The following SNAPC2 variants were observed in gnomAD, a reference collection of about 807,000 sequenced individuals.
SNAPC2 encodes small nuclear RNA activating complex polypeptide 2.
A neutral mutation model predicts 22.9 loss-of-function variants in SNAPC2; 27 were observed. The observed-to-expected ratio is 1.18, with a 90% CI of 0.87 to 1.63. SNAPC2 has a LOEUF of 1.63. SNAPC2 is among the 40% of genes most tolerant of loss of function. The pLI is 0.00. For missense variants in SNAPC2, 570 were observed against 449.1 expected (o/e 1.27, Z -2.43); for synonymous variants, 272 against 201.0 (o/e 1.35, Z -2.99).
intron 1 of SNAPC2, 122 bp from the exon 2 acceptor site, chr19:7,921,301 G>C: frequency 1.3e-6 from 2 of 1,524,524 alleles, no homozygotes; most frequent in Non-Finnish European, 1.8e-6. Context: ...TCCTAACACC[G>C]GGCCAGCAGG....
In SNAPC2 at chr19:7,922,129, C is replaced by T. The variant is rs761765057; in HGVS notation, c.467C>T (p.Ala156Val). The T allele has an allele frequency of 6.2e-6, 10 of 1,613,894 alleles. No individual in the cohort carries two copies. The East Asian group carries it at 1.3e-4, about 22-fold the overall frequency. ...QARGKPLLLS[A>V]PGGQEDPAPE... ...CGTGGAAAGCCTTTGCTCCTGAGCG[C>T]CCCTGGAGGACAGGAAGACCCCGCC... The change falls in exon 4 of 5, where the codon GCC becomes GTC. Residue 156 changes from alanine to valine, a missense_variant. Physicochemically the swap from Ala to Val is moderately conservative, Grantham distance 64 (BLOSUM62 0). Coordinates refer to ENST00000221573, the MANE Select transcript of SNAPC2 (RefSeq NM_003083.4).
chr19:7,920,644 G>A (rs1200855105), intron 1 of SNAPC2, 95 bp downstream of exon 1: 12 of 708,412 alleles, frequency 1.7e-5, no homozygotes, highest in Non-Finnish European at 2.5e-5. Context: ...AGCGGGGCGG[G>A]GCCAGGAATG....
chr19:7,920,648 A>C (rs911897365), intron 1 of SNAPC2, 99 bp downstream of exon 1: 2 of 447,590 alleles, frequency 4.5e-6, no homozygotes, highest in African/African-American at 5.4e-5. Context: ...GGGCGGGGCC[A>C]GGAATGTAAG....
Position 7,922,238 on chromosome 19 carries a change from G to A in SNAPC2, c.576G>A (p.Ser192=), listed in dbSNP as rs185154761. 9 of 1,613,960 alleles carry A rather than the reference G, an allele frequency of 5.6e-6. No individual in the cohort carries two copies. Among genetic ancestry groups the A allele is most frequent in the East Asian group, 2.2e-5 (1 of 44,888 alleles). The change falls in exon 4 of 5, where the codon TCG becomes TCA. Residue 192 remains serine (S), a synonymous_variant. Transcript: ENST00000221573. ...PDPAPEKPSE[S]SAGPSTEEDF... ...CTGCCCCTGAGAAACCTTCTGAGTC[G>A]TCGGCTGGTCCCTCCACTGAAGAAG... is the stretch of plus-strand genomic sequence containing the variant.
intron 3 of SNAPC2, 52 bp from the exon 4 acceptor site, chr19:7,921,983 C>G: frequency 6.5e-7 from 1 of 1,550,050 alleles, no homozygotes. Flanking sequence ...AATGTGTAGA[C>G]GGTGAGAAGA....
chr19:7,920,586 G>T, intron 1 of SNAPC2, 37 bp downstream of exon 1: 1 of 1,157,696 alleles, frequency 8.6e-7, no homozygotes, highest in South Asian at 1.8e-5. Context: ...CCAGGCTGGA[G>T]GCGGGGCTGG....
Position 7,922,209 on chromosome 19 carries a change from G to T in SNAPC2, c.547G>T (p.Asp183Tyr). ...AAPSSAPRTPDPAPEKPSESS... is the reference protein window; with the variant it reads ...AAPSSAPRTPYPAPEKPSESS... ...ACCTAGCTCCGCACCCAGGACTCCT[G>T]ACCCTGCCCCTGAGAAACCTTCTGA... Residue 183 changes from aspartate to tyrosine, a missense_variant, in exon 4 of 5, where the codon GAC (aspartate) becomes TAC (tyrosine). Asp to Tyr is a radical substitution (Grantham distance 160, BLOSUM62 -3). Coordinates refer to ENST00000221573, the MANE Select transcript of SNAPC2 (RefSeq NM_003083.4). 6.2e-7 allele frequency: 1 copy of T among 1,614,120 alleles called. No individual in the cohort carries two copies. Among genetic ancestry groups the T allele is most frequent in the Non-Finnish European group, 8.5e-7 (1 of 1,180,016 alleles).
Position 7,922,304 on chromosome 19 carries a change from C to T in SNAPC2, c.642C>T (p.Ser214=). 4 of 1,613,880 alleles carry T rather than the reference C, an allele frequency of 2.5e-6. No homozygotes were observed. Among genetic ancestry groups the T allele is most frequent in the Non-Finnish European group, 3.4e-6 (4 of 1,179,978 alleles). ...VDFEKIYKYL[S]SVSRSGRSPE... ...TTGAGAAGATCTACAAGTACTTGTC[C>T]TCTGTCTCCCGAAGTGGCCGCAGCC... The change falls in exon 4 of 5, where the codon TCC becomes TCT. Residue 214 remains serine, a synonymous_variant. Coordinates refer to ENST00000221573, the MANE Select transcript of SNAPC2 (RefSeq NM_003083.4).
chr19:7,922,218 C>G lies in SNAPC2; in HGVS notation c.556C>G (p.Pro186Ala). The G allele has an allele frequency of 6.2e-7, 1 of 1,614,160 alleles. No homozygotes were observed. Among genetic ancestry groups the G allele is most frequent in the Admixed American group, 1.7e-5 (1 of 60,022 alleles). ...SSAPRTPDPA[P>A]EKPSESSAGP... is the part of the protein sequence containing the mutation. ...CGCACCCAGGACTCCTGACCCTGCC[C>G]CTGAGAAACCTTCTGAGTCGTCGGC... The change falls in exon 4 of 5, where the codon CCT becomes GCT. Residue 186 changes from proline (P) to alanine (A), a missense_variant. Coordinates refer to ENST00000221573, the MANE Select transcript of SNAPC2 (RefSeq NM_003083.4).
chr19:7,921,204 G>A (rs1983558901), intron 1 of SNAPC2: 1 of 1,421,786 alleles, frequency 7.0e-7, no homozygotes, highest in African/African-American at 1.4e-5. Flanking sequence ...GCTGCGTGAA[G>A]GAGCCGGAAC....
In SNAPC2 at chr19:7,920,365, G is replaced by A. The variant is rs1385569955; in HGVS notation, c.-2G>A. The A allele has an allele frequency of 6.4e-7, 1 of 1,572,458 alleles. No individual in the cohort carries two copies. The highest frequency in any genetic ancestry group is 1.4e-5 in the African/African-American group (1 of 71,384). On this transcript the variant is annotated 5_prime_UTR_variant, in exon 1 of 5. Coordinates refer to ENST00000221573, the MANE Select transcript of SNAPC2 (RefSeq NM_003083.4). ...TACAGCGCCTGCCTCTTTCTGAGCG[G>A]CATGAAGCCACCTCCCAGGCGGCGA...
chr19:7,920,664 G>A (rs1329325551), intron 1 of SNAPC2, 115 bp downstream of exon 1: 6 of 646,678 alleles, frequency 9.3e-6, no homozygotes, highest in Non-Finnish European at 1.4e-5. Flanking sequence ...GTAAGCGAGC[G>A]GGGGCGTGGC....
intron 1 of SNAPC2, chr19:7,921,129 A>T (rs558981254): frequency 7.5e-7 from 1 of 1,337,322 alleles, no homozygotes; most frequent in Non-Finnish European, 9.6e-7. Flanking sequence ...AGTGAGAGGG[A>T]ATAGAGAAGA....
chr19:7,922,070 C>T lies in SNAPC2; in HGVS notation c.408C>T (p.Leu136=), dbSNP rs199514852. 173 of 1,613,182 alleles carry T rather than the reference C, an allele frequency of 1.1e-4. No individual in the cohort carries two copies. Among genetic ancestry groups the T allele is most frequent in the Non-Finnish European group, 1.3e-4 (157 of 1,179,496 alleles). The change falls in exon 4 of 5, where the codon CTC becomes CTT. Residue 136 remains leucine (L), a synonymous_variant. Transcript: ENST00000221573. The stretch of plus-strand genomic sequence containing the variant: ...TCGCGGCCACGGAACCGGTCACCCT[C>T]CTGCACTCCAAGCCCCCCAAGCCCA... ...LTIAATEPVT[L]LHSKPPKPTQ... is the part of the protein sequence containing the mutation.
In SNAPC2 at chr19:7,920,959, A is replaced by C. The variant is rs1215788274; in HGVS notation, c.183+410A>C. 6.4e-6 allele frequency: 5 copies of C among 780,636 alleles called. No individual in the cohort carries two copies. In the African/African-American group the frequency reaches 1.5e-4, roughly 24 times the overall value. The allele number at this position is 780,636 out of a possible 1,614,324, so 48.4% of individuals were successfully genotyped here. ...GGCCGTTTTGGGAGTAAGGCGTGGGAGGGGCGTGGGCGGGATGAGGGCAAG... is the reference window on the plus strand; with the variant it reads ...GGCCGTTTTGGGAGTAAGGCGTGGGCGGGGCGTGGGCGGGATGAGGGCAAG... On this transcript the variant is annotated intron_variant, in intron 1 of 4. Coordinates refer to ENST00000221573, the MANE Select transcript of SNAPC2 (RefSeq NM_003083.4).
chr19:7,920,349 T>C lies in SNAPC2; in HGVS notation c.-18T>C, dbSNP rs772607033. Reference sequence around the variant, plus strand: ...ATCGGAGAAGCGACCTTACAGCGCCTGCCTCTTTCTGAGCGGCATGAAGCC... The same window carrying C: ...ATCGGAGAAGCGACCTTACAGCGCCCGCCTCTTTCTGAGCGGCATGAAGCC... On this transcript the variant is annotated 5_prime_UTR_variant, in exon 1 of 5. Transcript: ENST00000221573. The C allele has an allele frequency of 2.6e-6, 4 of 1,556,268 alleles. No homozygotes were observed. The highest frequency in any genetic ancestry group is 1.1e-5 in the South Asian group (1 of 87,510).
At chr19:7,920,658 G>A in intron 1 of SNAPC2, 109 bp downstream of exon 1, 1 of 652,766 alleles carries the variant, frequency 1.5e-6, no homozygotes, top group Non-Finnish European at 2.4e-6. Flanking sequence ...AGGAATGTAA[G>A]CGAGCGGGGG....
rs767256107 is a variant in SNAPC2 at position 7,922,670 on chromosome 19, T to C, written c.911T>C (p.Leu304Pro). 8.1e-6 allele frequency: 13 copies of C among 1,612,536 alleles called. No homozygotes were observed. Among genetic ancestry groups the C allele is most frequent in the Non-Finnish European group, 1.1e-5 (13 of 1,179,778 alleles). ...PATEKAEHSE[L>P]KSPWQAAGIC... The stretch of plus-strand genomic sequence containing the variant: ...ACCGAGAAGGCCGAGCACAGCGAAC[T>C]GAAATCGCCTTGGCAAGCAGCTGGG... The change falls in exon 5 of 5, where the codon CTG becomes CCG. Residue 304 changes from leucine (L) to proline (P), a missense_variant. Leu to Pro is a moderately conservative substitution (Grantham distance 98, BLOSUM62 -3). Coordinates refer to ENST00000221573, the MANE Select transcript of SNAPC2 (RefSeq NM_003083.4).
intron 1 of SNAPC2, chr19:7,921,132 A>G: frequency 7.5e-7 from 1 of 1,339,382 alleles, no homozygotes; most frequent in Non-Finnish European, 9.6e-7. Flanking sequence ...GAGAGGGAAT[A>G]GAGAAGAGGG....
Sources: allele counts gnomAD v4.1 joint callset, GRCh38; gene constraint gnomAD v4.1.1; transcripts MANE v1.5; gene names NCBI Gene and HGNC (gene_info 2026-07-23, HGNC 2026-07-21).